The following FRMPD4 variants were observed in gnomAD, a reference collection of about 807,000 sequenced individuals.
FRMPD4 encodes the protein FERM and PDZ domain containing 4, also known as FERM and PDZ domain-containing protein 4.
A neutral mutation model predicts 94.1 loss-of-function variants in FRMPD4; 22 were observed. That is an observed-to-expected ratio of 0.23 (90% confidence interval 0.17 to 0.33). The LOEUF (loss-of-function observed/expected upper bound fraction) is 0.33, where lower values mean the gene tolerates loss of function less well. FRMPD4 is among the 10% of genes least tolerant of loss of function. The pLI, the probability that FRMPD4 is intolerant of heterozygous loss-of-function variation, is 1.00. For missense variants in FRMPD4, 1,111 were observed against 1,339.9 expected (o/e 0.83, Z 2.67); for synonymous variants, 631 against 548.6 (o/e 1.15, Z -2.10).
At chrX:12,675,933 G>A (rs1218001337) in intron 5 of FRMPD4, among the ~76,000 whole-genome samples, 1 of 111,323 alleles carries the variant, frequency 9.0e-6, no homozygotes, top group Non-Finnish European at 1.9e-5. Context: ...CTGTGGGCTA[G>A]GCATTTTAGA....
At chrX:12,507,744 A>G (rs1160958095) in intron 2 of FRMPD4, among the ~76,000 whole-genome samples, 1 of 112,113 alleles carries the variant, frequency 8.9e-6, no homozygotes, top group Non-Finnish European at 1.9e-5. Flanking sequence ...CAGTTCTTGC[A>G]TAGCTCTGAC....
intron 1 of FRMPD4, among the ~76,000 whole-genome samples, chrX:12,221,010 G>C (rs143631552): frequency 0.012 from 1,363 of 111,728 alleles, 23 homozygotes; most frequent in African/African-American, 0.042. Context: ...AATTCCCGTA[G>C]GTTCTGGGTT....
At chrX:11,995,499 A>G (rs772111904) in intron 3 of FRMPD4, among the ~76,000 whole-genome samples, 20 of 111,548 alleles carry the variant, frequency 1.8e-4, no homozygotes, top group Non-Finnish European at 2.8e-4. Flanking sequence ...AATCTTCAAT[A>G]TTTCAGACTT....
intron 2 of FRMPD4, among the ~76,000 whole-genome samples, chrX:12,594,066 T>C (rs1320454392): frequency 8.9e-6 from 1 of 111,807 alleles, no homozygotes; most frequent in African/African-American, 3.2e-5. Context: ...TGCCTTTTCT[T>C]TTTGAATTCT....
intron 5 of FRMPD4, among the ~76,000 whole-genome samples, chrX:12,681,447 C>T (rs754314445): frequency 1.8e-5 from 2 of 112,132 alleles, no homozygotes; most frequent in Admixed American, 9.5e-5. Context: ...TTAAAAGTCA[C>T]GTTGAGCATG....
intron 1 of FRMPD4, among the ~76,000 whole-genome samples, chrX:12,222,969 TTGTG>T (rs1203604740): frequency 3.6e-5 from 4 of 112,305 alleles, no homozygotes; most frequent in Middle Eastern, 8.4e-3. Flanking sequence ...ATAGAAATCT[TTGTG>T]TGGGCATACA....
rs925883499 is a variant in FRMPD4 at position 12,723,996 on chromosome X, A to G, written c.*2138A>G. On this transcript the variant is annotated 3_prime_UTR_variant, in exon 17 of 17. Transcript: ENST00000675598. ...AATACCTGGCAGAGAGTAAGTATTC[A>G]ATTAATGTTAGCTATTATTATCATC... 3.6e-5 allele frequency: 4 copies of G among 112,258 alleles called. No homozygotes were observed. Among genetic ancestry groups the G allele is most frequent in the African/African-American group, 1.3e-4 (4 of 30,874 alleles). The allele number at this position is 112,258 out of a possible 1,213,427, so 9.3% of individuals were successfully genotyped here. A position where few individuals can be genotyped will look rare whatever the true frequency, so the allele number is the denominator to read the frequency against.
chrX:12,337,177 C>T (rs193080577), intron 1 of FRMPD4, among the ~76,000 whole-genome samples: 159 of 112,166 alleles, frequency 1.4e-3, no homozygotes, highest in African/African-American at 4.8e-3. Flanking sequence ...AGTATACACT[C>T]CTGGCCTCAT....
intron 2 of FRMPD4, among the ~76,000 whole-genome samples, chrX:11,873,704 G>T (rs1160440004): frequency 1.9e-5 from 2 of 102,955 alleles, no homozygotes; most frequent in Admixed American, 2.1e-4. Flanking sequence ...AATCCAGCAG[G>T]CTTTTTTTTT....
chrX:12,129,767 T>G (rs1317350516), intron 3 of FRMPD4, among the ~76,000 whole-genome samples: 2 of 111,788 alleles, frequency 1.8e-5, no homozygotes, highest in South Asian at 7.5e-4. Flanking sequence ...CTCTAATCAT[T>G]TAACTTCCTA....
chrX:12,006,495 C>T (rs1466333627), intron 3 of FRMPD4, among the ~76,000 whole-genome samples: 1 of 112,242 alleles, frequency 8.9e-6, no homozygotes, highest in Non-Finnish European at 1.9e-5. Context: ...AAAGCCACCA[C>T]ATTTGCCAAT....
intron 3 of FRMPD4, among the ~76,000 whole-genome samples, chrX:12,061,805 G>T (rs780508219): frequency 1.8e-5 from 2 of 111,024 alleles, no homozygotes; most frequent in South Asian, 3.8e-4. Flanking sequence ...TTATATTGAA[G>T]AACATTTTTG....
intron 1 of FRMPD4, among the ~76,000 whole-genome samples, chrX:12,264,124 G>C (rs959875118): frequency 9.0e-6 from 1 of 111,622 alleles, no homozygotes; most frequent in Non-Finnish European, 1.9e-5. Context: ...TTGAGCCTTT[G>C]TTCTGAGTCA....
At chrX:12,342,916 A>G (rs1484477909) in intron 1 of FRMPD4, among the ~76,000 whole-genome samples, 2 of 112,139 alleles carry the variant, frequency 1.8e-5, no homozygotes, top group Admixed American at 9.4e-5. Flanking sequence ...AACTTGCCCA[A>G]CATCACATAG....
At chrX:12,367,076 T>C (rs2056093828) in intron 1 of FRMPD4, among the ~76,000 whole-genome samples, 1 of 111,826 alleles carries the variant, frequency 8.9e-6, no homozygotes, top group African/African-American at 3.3e-5. Flanking sequence ...CTTTTCCTGG[T>C]CCGTGGCTTG....
intron 1 of FRMPD4, among the ~76,000 whole-genome samples, chrX:12,484,762 C>G (rs747788556): frequency 8.9e-6 from 1 of 111,828 alleles, no homozygotes; most frequent in Admixed American, 9.4e-5. Flanking sequence ...CTCAGAACCT[C>G]GTAAGATAAC....
intron 1 of FRMPD4, among the ~76,000 whole-genome samples, chrX:12,164,999 T>C (rs1410116801): frequency 3.6e-5 from 4 of 111,929 alleles, no homozygotes; most frequent in African/African-American, 1.3e-4. Context: ...TTCTGTAGGT[T>C]GTCTGTTCAC....
chrX:12,682,692 G>A (rs899949588), intron 5 of FRMPD4, among the ~76,000 whole-genome samples: 2 of 111,933 alleles, frequency 1.8e-5, no homozygotes, highest in Non-Finnish European at 3.8e-5. Context: ...ATGCAGCAAG[G>A]GATGCCCCAG....
chrX:12,421,248 C>A (rs943127805), intron 1 of FRMPD4, among the ~76,000 whole-genome samples: 4 of 111,715 alleles, frequency 3.6e-5, no homozygotes, highest in African/African-American at 1.3e-4. Context: ...TTTTTTATGT[C>A]AAATGTGACC....
Sources: allele counts gnomAD v4.1 joint callset (sites outside exome capture counted in the v4.1 genomes callset), GRCh38; gene constraint gnomAD v4.1.1; transcripts MANE v1.5; gene names NCBI Gene and HGNC (gene_info 2026-07-23, HGNC 2026-07-21).